The following FXN variants were observed in gnomAD, a reference collection of about 807,000 sequenced individuals.
The protein encoded by FXN is frataxin.
A neutral mutation model predicts 22.4 loss-of-function variants in FXN; 14 were observed. That is an observed-to-expected ratio of 0.62 (90% CI 0.41 to 0.98). FXN has a LOEUF of 0.98. FXN is among the 50% of genes least tolerant of loss of function. The pLI is 0.00. For synonymous variants in FXN, 120 were observed against 114.1 expected, an observed-to-expected ratio of 1.05 and a Z score of -0.33; for missense variants, 267 against 268.4, an observed-to-expected ratio of 0.99 and a Z score of 0.04.
In FXN at chr9:69,074,780, A is replaced by G. The variant is rs1461334056; in HGVS notation, c.*2018A>G. 1.1e-6 allele frequency: 1 copy of G among 921,200 alleles called. No individual in the cohort carries two copies. Among genetic ancestry groups the G allele is most frequent in the Non-Finnish European group, 1.3e-6 (1 of 771,558 alleles). 57.1% of individuals were successfully genotyped at this position (921,200 alleles called of 1,614,324 possible). A position where few individuals can be genotyped will look rare whatever the true frequency, so the allele number is the denominator to read the frequency against. On this transcript the variant is annotated 3_prime_UTR_variant, in exon 5 of 5. Coordinates refer to ENST00000484259, the MANE Select transcript of FXN (RefSeq NM_000144.5). Reference sequence around the variant, plus strand: ...TATTAATAATAAAACAGTATAAACAAAAGCTAAATAGGTAAAATATTTTTT... The same window carrying G: ...TATTAATAATAAAACAGTATAAACAGAAGCTAAATAGGTAAAATATTTTTT...
chr9:69,078,198 C>G lies in FXN; in HGVS notation c.*5436C>G. 3 of 983,654 alleles carry G rather than the reference C, an allele frequency of 3.0e-6. No homozygotes were observed. Among genetic ancestry groups the G allele is most frequent in the Non-Finnish European group, 3.6e-6 (3 of 828,340 alleles). The allele number at this position is 983,654 out of a possible 1,614,324, so 60.9% of individuals were successfully genotyped here. A position where few individuals can be genotyped will look rare whatever the true frequency, so the allele number is the denominator to read the frequency against. On this transcript the variant is annotated 3_prime_UTR_variant, in exon 5 of 5. Coordinates refer to ENST00000484259, the MANE Select transcript of FXN (RefSeq NM_000144.5). ...GCCTAGGCTGTGTACTGCACATCTC[C>G]AGGTGCCACTGTTGACAGAGATTAT...
intron 1 of FXN, among the ~76,000 whole-genome samples, chr9:69,039,244 A>C (rs1473150101): frequency 2.0e-5 from 3 of 151,788 alleles, no homozygotes; most frequent in African/African-American, 7.3e-5. Context: ...CGACAGAGCG[A>C]GACTCCGTCT....
chr9:69,053,372 G>A, intron 3 of FXN, 112 bp downstream of exon 3: 1 of 1,347,700 alleles, frequency 7.4e-7, no homozygotes, highest in Non-Finnish European at 1.1e-6. Context: ...GTAGTTGTAG[G>A]TAGGATTAAA....
At chr9:69,061,400 G>A (rs1832070729) in intron 3 of FXN, among the ~76,000 whole-genome samples, 1 of 152,116 alleles carries the variant, frequency 6.6e-6, no homozygotes, top group Non-Finnish European at 1.5e-5. Context: ...CTTATACTCA[G>A]TCCTCTGCCC....
At position 69,078,225 on chromosome 9, in the gene FXN, A is replaced by G. The variant is rs1381031540; in HGVS notation, c.*5463A>G. 2 of 984,086 alleles carry G rather than the reference A, an allele frequency of 2.0e-6. No individual in the cohort carries two copies. Among genetic ancestry groups the G allele is most frequent in the African/African-American group, 3.5e-5 (2 of 57,208 alleles). 61.0% of individuals were successfully genotyped at this position (984,086 alleles called of 1,614,324 possible). ...GGTGCCACTGTTGACAGAGATTATA[A>G]CTACAATGTGAAGTGAATGGTGCCA... On this transcript the variant is annotated 3_prime_UTR_variant, in exon 5 of 5. Coordinates refer to ENST00000484259, the MANE Select transcript of FXN (RefSeq NM_000144.5).
rs753646932 is a variant in FXN, at chr9:69,075,735, CCT to C, written c.*2974_*2975del. ...ACAATCTTAGAAAACTTTTTTTTCCCCTTTCTATTTTTTGAGACAGGATCTCA... is the reference window on the plus strand; with the variant it reads ...ACAATCTTAGAAAACTTTTTTTTCCCTTCTATTTTTTGAGACAGGATCTCA... On this transcript the variant is annotated 3_prime_UTR_variant, in exon 5 of 5. Transcript: ENST00000484259. 136 of 980,880 alleles carry C rather than the reference CCT, an allele frequency of 1.4e-4. No homozygotes were observed. Among genetic ancestry groups the C allele is most frequent in the Admixed American group, 4.9e-4 (8 of 16,262 alleles). The allele number at this position is 980,880 out of a possible 1,614,324, so 60.8% of individuals were successfully genotyped here.
At chr9:69,038,935 A>G (rs925129565) in intron 1 of FXN, among the ~76,000 whole-genome samples, 1 of 152,212 alleles carries the variant, frequency 6.6e-6, no homozygotes, top group Non-Finnish European at 1.5e-5. Context: ...AGGTTCACAT[A>G]GTCAAGTTGT....
At chr9:69,045,668 G>A (rs1011196234) in intron 1 of FXN, among the ~76,000 whole-genome samples, 6 of 152,180 alleles carry the variant, frequency 3.9e-5, no homozygotes, top group African/African-American at 9.6e-5. Flanking sequence ...GTTGTTCACC[G>A]GATGCAGAGT....
At position 69,053,614 on chromosome 9, in the gene FXN, C is replaced by A. The variant is rs573344152; in HGVS notation, c.384+354C>A. 1.4e-4 allele frequency among the ~76,000 whole-genome samples: 22 copies of A among 152,268 alleles called. 1 individual carries two copies. The East Asian group carries it at 4.0e-3, about 28-fold the overall frequency. On this transcript the variant is annotated intron_variant, in intron 3 of 4. Transcript: ENST00000484259. ...CAGCTCTACCAGGCTTGTTGTGACT[C>A]TGGGCAAGTCACTCAGCCTCTCTGA...
Position 69,075,604 on chromosome 9 carries a change from C to A in FXN, c.*2842C>A. ...CCCACCACAGACCCTGGGAGCATCG[C>A]CTCATTTATGGTGTGGTCCAGTCAT... is the stretch of plus-strand genomic sequence containing the variant. On this transcript the variant is annotated 3_prime_UTR_variant, in exon 5 of 5. Coordinates refer to ENST00000484259, the MANE Select transcript of FXN (RefSeq NM_000144.5). 2 of 985,292 alleles carry A rather than the reference C, an allele frequency of 2.0e-6. No homozygotes were observed. Among genetic ancestry groups the A allele is most frequent in the Non-Finnish European group, 2.4e-6 (2 of 829,860 alleles). The allele number at this position is 985,292 out of a possible 1,614,324, so 61.0% of individuals were successfully genotyped here. A position where few individuals can be genotyped will look rare whatever the true frequency, so the allele number is the denominator to read the frequency against.
chr9:69,039,491 C>T (rs1831617224), intron 1 of FXN, among the ~76,000 whole-genome samples: 1 of 141,902 alleles, frequency 7.0e-6, no homozygotes, highest in Non-Finnish European at 1.6e-5. Flanking sequence ...TTTAAAAGCA[C>T]AGCCCCACAG....
At chr9:69,055,691 A>C (rs1831946707) in intron 3 of FXN, among the ~76,000 whole-genome samples, 1 of 151,336 alleles carries the variant, frequency 6.6e-6, no homozygotes, top group African/African-American at 2.4e-5. Flanking sequence ...ATGGGGTTTC[A>C]CCATGTTGGC....
At chr9:69,058,421 G>C (rs1832003263) in intron 3 of FXN, among the ~76,000 whole-genome samples, 1 of 151,790 alleles carries the variant, frequency 6.6e-6, no homozygotes, top group African/African-American at 2.4e-5. Context: ...GTGGAGTCCT[G>C]GCATCTTAGA....
At chr9:69,036,515 C>G (rs1831553775) in intron 1 of FXN, among the ~76,000 whole-genome samples, 1 of 152,174 alleles carries the variant, frequency 6.6e-6, no homozygotes, top group Non-Finnish European at 1.5e-5. Flanking sequence ...GCAGCAGGGG[C>G]CCTGGCTTTT....
At position 69,038,591 on chromosome 9, in the gene FXN, C is replaced by T. The variant is rs561990408; in HGVS notation, c.165+2644C>T. 7.9e-5 allele frequency among the ~76,000 whole-genome samples: 12 copies of T among 151,966 alleles called. No homozygotes were observed. The South Asian group carries it at 2.3e-3, about 29-fold the overall frequency. ...CTGTAATCCCAGGACTTTGGGAGGCCGAGGCGAGTGGATCATCTGAGATCA... is the reference window on the plus strand; with the variant it reads ...CTGTAATCCCAGGACTTTGGGAGGCTGAGGCGAGTGGATCATCTGAGATCA... On this transcript the variant is annotated intron_variant, in intron 1 of 4. Coordinates refer to ENST00000484259, the MANE Select transcript of FXN (RefSeq NM_000144.5).
chr9:69,053,176 G>A lies in FXN; in HGVS notation c.300G>A (p.Glu100=), dbSNP rs1404702061. 6.2e-7 allele frequency: 1 copy of A among 1,613,950 alleles called. No homozygotes were observed. The highest frequency in any genetic ancestry group is 1.3e-5 in the African/African-American group (1 of 75,018). Residue 100 remains glutamate (E), a synonymous_variant, in exon 3 of 5, where the codon GAG becomes GAA. Coordinates refer to ENST00000484259, the MANE Select transcript of FXN (RefSeq NM_000144.5). ...AGACCACCTATGAAAGACTAGCAGA[G>A]GAAACGCTGGACTCTTTAGCAGAGT... ...LDETTYERLA[E]ETLDSLAEFF...
At chr9:69,064,907 C>A in intron 3 of FXN, 31 bp from the exon 4 acceptor site, 2 of 1,381,278 alleles carry the variant, frequency 1.4e-6, no homozygotes, top group Non-Finnish European at 2.1e-6. Flanking sequence ...GTTTTAATTT[C>A]TTTATGCTTT....
intron 1 of FXN, among the ~76,000 whole-genome samples, chr9:69,042,506 G>C (rs557745375): frequency 6.6e-6 from 1 of 152,290 alleles, no homozygotes; most frequent in Admixed American, 6.5e-5. Flanking sequence ...GTTCCAAAAG[G>C]TTTAGCAGTT....
Position 69,077,488 on chromosome 9 carries a change from G to C in FXN, c.*4726G>C. The C allele has an allele frequency of 1.0e-6, 1 of 985,458 alleles. No individual in the cohort carries two copies. The highest frequency in any genetic ancestry group is 1.2e-6 in the Non-Finnish European group (1 of 829,952). The allele number at this position is 985,458 out of a possible 1,614,324, so 61.0% of individuals were successfully genotyped here. On this transcript the variant is annotated 3_prime_UTR_variant, in exon 5 of 5. Transcript: ENST00000484259. ...AACATCAGCACCCAGCAGTAAAATT[G>C]GCTCTCAAAGATTTTCTTCTCCTGT...
Sources: gnomAD v4.1 joint callset for allele counts (sites outside exome capture counted in the v4.1 genomes callset) on GRCh38, gnomAD v4.1.1 for gene constraint, MANE v1.5 for transcripts, NCBI Gene and HGNC (gene_info 2026-07-23, HGNC 2026-07-21) for gene names.